The following KALRN variants were observed in gnomAD, a reference collection of about 807,000 sequenced individuals.
KALRN encodes the protein kalirin RhoGEF kinase.
A neutral mutation model predicts 353.7 loss-of-function variants in KALRN; 70 were observed. The observed-to-expected ratio is 0.20, with a 90% CI of 0.16 to 0.24. The LOEUF is 0.24. Among genes scored for constraint, KALRN ranks in the 10% least tolerant of loss-of-function variants. KALRN has a pLI of 1.00. For missense variants in KALRN, 2,791 were observed against 3,756.7 expected (o/e 0.74, Z 6.72); for synonymous variants, 1,391 against 1,434.8 (o/e 0.97, Z 0.69).
intron 13 of KALRN, among the ~76,000 whole-genome samples, chr3:124,406,832 CTTTTT>C (rs10686645): frequency 2.4e-5 from 3 of 126,314 alleles, no homozygotes; most frequent in Non-Finnish European, 3.2e-5. Flanking sequence ...AGTTGCTTTG[CTTTTT>C]TTTTTTTTTT....
intron 13 of KALRN, among the ~76,000 whole-genome samples, chr3:124,412,787 T>C (rs1350355871): frequency 6.6e-6 from 1 of 152,248 alleles, no homozygotes; most frequent in Non-Finnish European, 1.5e-5. Context: ...ACATTTATAC[T>C]TTGTTTAGTC....
At chr3:124,200,976 G>T (rs1283055265) in intron 1 of KALRN, among the ~76,000 whole-genome samples, 1 of 152,220 alleles carries the variant, frequency 6.6e-6, no homozygotes, top group Non-Finnish European at 1.5e-5. Flanking sequence ...CACTAAGGAA[G>T]ATGTGACACA....
At chr3:124,564,502 C>T (rs370304023) in intron 34 of KALRN, among the ~76,000 whole-genome samples, 3 of 151,340 alleles carry the variant, frequency 2.0e-5, no homozygotes, top group East Asian at 4.0e-4. Flanking sequence ...ATAGTGAGAC[C>T]CCCATCTCTA....
At position 124,192,235 on chromosome 3, in the gene KALRN, A is replaced by G. The variant is rs149645064; in HGVS notation, c.74-35755A>G. On this transcript the variant is annotated intron_variant, in intron 1 of 59. Coordinates refer to ENST00000682506, the MANE Select transcript of KALRN (RefSeq NM_001388419.1). ...AGTCATTTGCAACAACATGGATGGA[A>G]CTGGAGGCCATTATGTTAAGTGAAA... Among the ~76,000 whole-genome samples the G allele has an allele frequency of 2.1e-3, 315 of 152,334 alleles. 1 individual carries two copies. The highest frequency in any genetic ancestry group is 6.9e-3 in the African/African-American group (288 of 41,588).
At position 124,321,678 on chromosome 3, in the gene KALRN, TA is replaced by T. The variant is rs539223375; in HGVS notation, c.1093-4300del. On this transcript the variant is annotated intron_variant, in intron 6 of 59. Transcript: ENST00000682506. ...AGGATGAAAAAAAGAATTTTGTGGG[TA>T]ACAAAAGTGAGGGCAGGGTGTCAAT... Among the ~76,000 whole-genome samples, 490 of 152,330 alleles carry T rather than the reference TA, an allele frequency of 3.2e-3. 7 individuals carry two copies. Among genetic ancestry groups the T allele is most frequent in the Admixed American group, 8.6e-3 (132 of 15,298 alleles).
chr3:124,339,854 A>C (rs915773566), intron 9 of KALRN, among the ~76,000 whole-genome samples: 35 of 152,218 alleles, frequency 2.3e-4, no homozygotes, highest in African/African-American at 8.0e-4. Context: ...CGTGGATCAA[A>C]TTATGACACA....
chr3:124,367,512 C>G (rs2085024197), intron 10 of KALRN, among the ~76,000 whole-genome samples: 1 of 107,898 alleles, frequency 9.3e-6, no homozygotes, highest in African/African-American at 3.9e-5. Flanking sequence ...GGCGGGGGGG[C>G]TGACCCCCCC....
chr3:124,282,104 A>G (rs1275039838), intron 5 of KALRN, among the ~76,000 whole-genome samples: 1 of 152,154 alleles, frequency 6.6e-6, no homozygotes, highest in Admixed American at 6.6e-5. Context: ...GGGAAGGGAC[A>G]AACCCTCGAG....
rs34217738 is a variant in KALRN at position 124,047,659 on chromosome 3, A to AT, written c.73+13855dup. On this transcript the variant is annotated intron_variant, in intron 1 of 59. Coordinates refer to ENST00000682506, the MANE Select transcript of KALRN (RefSeq NM_001388419.1). ...AGGCGCCCGCCACCACGCCTGGCTA[A>AT]TTTTTTTTTATTTTTTTTTATTTTT... is the stretch of plus-strand genomic sequence containing the variant. 7.4e-3 allele frequency among the ~76,000 whole-genome samples: 927 copies of AT among 125,000 alleles called. 10 individuals are homozygous for AT. The highest frequency in any genetic ancestry group is 9.6e-3 in the Non-Finnish European group (561 of 58,236). 82.0% of individuals were successfully genotyped at this position (125,000 alleles called of 152,430 possible). A position where few individuals can be genotyped will look rare whatever the true frequency, so the allele number is the denominator to read the frequency against.
intron 32 of KALRN, among the ~76,000 whole-genome samples, chr3:124,493,527 T>G (rs1282047786): frequency 6.6e-6 from 1 of 152,208 alleles, no homozygotes; most frequent in Non-Finnish European, 1.5e-5. Context: ...ATGACTCTTT[T>G]GGGGGACAGT....
intron 1 of KALRN, among the ~76,000 whole-genome samples, chr3:124,095,468 A>G (rs1384345183): frequency 6.6e-6 from 1 of 152,204 alleles, no homozygotes; most frequent in Admixed American, 6.5e-5. Context: ...TGGTGCACAC[A>G]GTAGGTGCTT....
intron 3 of KALRN, among the ~76,000 whole-genome samples, chr3:124,248,260 C>A (rs182019437): frequency 5.1e-4 from 77 of 152,332 alleles, no homozygotes; most frequent in East Asian, 3.9e-3. Context: ...CTTCACCCCC[C>A]CCATACTCCT....
intron 32 of KALRN, 120 bp from the exon 33 acceptor site, chr3:124,496,191 A>T: frequency 4.4e-6 from 3 of 684,212 alleles, no homozygotes; most frequent in Middle Eastern, 4.0e-4. Flanking sequence ...TTTTAGACAA[A>T]TCCCTGCTAG....
intron 17 of KALRN, among the ~76,000 whole-genome samples, chr3:124,434,980 T>G (rs1054310766): frequency 2.0e-5 from 3 of 152,366 alleles, no homozygotes; most frequent in Non-Finnish European, 4.4e-5. Flanking sequence ...TCTGTTCCCA[T>G]GTCTCTTGTC....
chr3:124,148,688 T>G (rs1403885925), intron 1 of KALRN, among the ~76,000 whole-genome samples: 1 of 151,964 alleles, frequency 6.6e-6, no homozygotes, highest in African/African-American at 2.4e-5. Flanking sequence ...AAATGAAGCA[T>G]GCGCTGAGTT....
At chr3:124,227,705 T>TTTTTTTTCCCC (rs2078720407) in intron 1 of KALRN, among the ~76,000 whole-genome samples, 1 of 76,244 alleles carries the variant, frequency 1.3e-5, no homozygotes. Context: ...TTTTTTTTTT[T>TTTTTTTTCCCC]GCCCCCACTG....
At chr3:124,610,905 T>A (rs1345263942) in intron 34 of KALRN, among the ~76,000 whole-genome samples, 7 of 151,986 alleles carry the variant, frequency 4.6e-5, no homozygotes, top group African/African-American at 1.7e-4. Context: ...GCGCACACTG[T>A]GGTCCCAATT....
intron 3 of KALRN, among the ~76,000 whole-genome samples, chr3:124,237,712 A>C (rs1355215263): frequency 1.3e-5 from 2 of 152,174 alleles, no homozygotes; most frequent in Non-Finnish European, 2.9e-5. Flanking sequence ...GTAGTCAACA[A>C]GTATTTAGAG....
intron 1 of KALRN, among the ~76,000 whole-genome samples, chr3:124,150,898 G>A (rs2068006178): frequency 6.6e-6 from 1 of 152,144 alleles, no homozygotes; most frequent in Admixed American, 6.5e-5. Flanking sequence ...GGTAATCTCT[G>A]TGGCAACTCC....
Sources: allele counts gnomAD v4.1 joint callset (sites outside exome capture counted in the v4.1 genomes callset), GRCh38; gene constraint gnomAD v4.1.1; transcripts MANE v1.5; gene names NCBI Gene and HGNC (gene_info 2026-07-23, HGNC 2026-07-21).